CDH20: variants seen among roughly 807,000 people sequenced by gnomAD.
CDH20 encodes the protein cadherin 20.
In CDH20, 29 loss-of-function variants were observed where a neutral mutation model predicts 74.2. The observed-to-expected ratio is 0.39, with a 90% CI of 0.29 to 0.53. The LOEUF (loss-of-function observed/expected upper bound fraction) is 0.53, where lower values mean the gene tolerates loss of function less well. Among genes scored for constraint, CDH20 ranks in the 20% least tolerant of loss-of-function variants. The probability of loss-of-function intolerance (pLI) is 0.69; values close to 1 mark genes in which losing one functional copy is unlikely to be tolerated. For missense variants in CDH20, 988 were observed against 1,048.3 expected, an observed-to-expected ratio of 0.94 and a Z score of 0.79; for synonymous variants, 469 against 405.4, an observed-to-expected ratio of 1.16 and a Z score of -1.88.
At chr18:61,449,843 A>G (rs1481666563) in intron 1 of CDH20, among the ~76,000 whole-genome samples, 4 of 152,058 alleles carry the variant, frequency 2.6e-5, no homozygotes, top group Non-Finnish European at 5.9e-5. Context: ...TTAATAAATG[A>G]AAATCAAGAG....
intron 1 of CDH20, among the ~76,000 whole-genome samples, chr18:61,343,566 G>A (rs1017985825): frequency 1.3e-5 from 2 of 152,118 alleles, no homozygotes; most frequent in Non-Finnish European, 2.9e-5. Context: ...CTCTTGGTCA[G>A]GGTGCACTGT....
chr18:61,417,585 A>C (rs1408951812), intron 1 of CDH20, among the ~76,000 whole-genome samples: 1 of 96,652 alleles, frequency 1.0e-5, no homozygotes, highest in Non-Finnish European at 2.5e-5. Flanking sequence ...AGCTAAAAAA[A>C]AAAAAAAAAA....
At chr18:61,414,758 C>T (rs906114128) in intron 1 of CDH20, among the ~76,000 whole-genome samples, 16 of 151,338 alleles carry the variant, frequency 1.1e-4, no homozygotes, top group East Asian at 1.9e-4. Context: ...AGAGAAGAGG[C>T]GAGAATTTTT....
rs188672709 is a variant in CDH20, at chr18:61,404,424, G to A, written c.-153+70597G>A. Among the ~76,000 whole-genome samples the A allele has an allele frequency of 9.5e-4, 144 of 152,230 alleles. 1 individual carries two copies. The highest frequency in any genetic ancestry group is 1.5e-3 in the Non-Finnish European group (99 of 68,014). ...CCAAAATATAACAAGGTCTGGTTAA[G>A]GAGGAAAACCCCTAGGGAAAGTTTT... On this transcript the variant is annotated intron_variant, in intron 1 of 11. Transcript: ENST00000262717.
intron 1 of CDH20, among the ~76,000 whole-genome samples, chr18:61,444,574 A>G (rs1909140321): frequency 6.6e-6 from 1 of 152,124 alleles, no homozygotes; most frequent in Non-Finnish European, 1.5e-5. Context: ...TTTAAAGGAA[A>G]ATAGATTAAT....
intron 1 of CDH20, among the ~76,000 whole-genome samples, chr18:61,368,623 G>T (rs943706683): frequency 6.6e-6 from 1 of 151,594 alleles, no homozygotes; most frequent in Non-Finnish European, 1.5e-5. Context: ...ATCATATAAT[G>T]TTGAAAAAAA....
intron 1 of CDH20, among the ~76,000 whole-genome samples, chr18:61,387,749 G>A (rs1194458356): frequency 6.6e-6 from 1 of 152,166 alleles, no homozygotes. Flanking sequence ...GAGACAGAGA[G>A]ATTTACAGTC....
chr18:61,342,084 TA>T (rs1366153694), intron 1 of CDH20, among the ~76,000 whole-genome samples: 8 of 152,340 alleles, frequency 5.3e-5, no homozygotes, highest in Admixed American at 2.0e-4. Context: ...TGGAGCTGGC[TA>T]ACATTTGAAG....
At chr18:61,426,616 T>TAC (rs1913079387) in intron 1 of CDH20, among the ~76,000 whole-genome samples, 1 of 152,210 alleles carries the variant, frequency 6.6e-6, no homozygotes, top group Non-Finnish European at 1.5e-5. Flanking sequence ...TTAATATATC[T>TAC]GCCCATTGAC....
At chr18:61,542,272 G>T (rs943874623) in intron 9 of CDH20, among the ~76,000 whole-genome samples, 3 of 152,194 alleles carry the variant, frequency 2.0e-5, no homozygotes, top group Non-Finnish European at 2.9e-5. Context: ...TTGGCTGTGA[G>T]CAAGTTTATC....
chr18:61,543,405 G>C (rs2144400777), intron 9 of CDH20, among the ~76,000 whole-genome samples: 1 of 152,276 alleles, frequency 6.6e-6, no homozygotes, highest in Admixed American at 6.5e-5. Flanking sequence ...TGGTAGAAGA[G>C]GAAACACATA....
chr18:61,449,439 T>C (rs2093690269), intron 1 of CDH20, among the ~76,000 whole-genome samples: 1 of 152,164 alleles, frequency 6.6e-6, no homozygotes, highest in East Asian at 1.9e-4. Context: ...AAATCATTTA[T>C]ATATATATTG....
chr18:61,364,304 GTGTTTGTTTGTT>G (rs757382907), intron 1 of CDH20, among the ~76,000 whole-genome samples: 2 of 152,032 alleles, frequency 1.3e-5, no homozygotes, highest in Non-Finnish European at 2.9e-5. Context: ...TGAATGAGGT[GTGTTTGTTTGTT>G]TGTTTGTTTG....
At chr18:61,533,535 C>A (rs972815504) in intron 7 of CDH20, among the ~76,000 whole-genome samples, 2 of 152,136 alleles carry the variant, frequency 1.3e-5, no homozygotes, top group African/African-American at 4.8e-5. Flanking sequence ...TGGATATTAG[C>A]CCCTTATTTT....
intron 1 of CDH20, chr18:61,334,469 A>T (rs8096012): frequency 0.32 from 48,524 of 151,578 alleles, 8,116 homozygotes; most frequent in African/African-American, 0.38. Context: ...GGGCCCTGAC[A>T]CTCCCAAGGA....
At chr18:61,471,382 A>G (rs373176648) in intron 1 of CDH20, among the ~76,000 whole-genome samples, 4 of 152,214 alleles carry the variant, frequency 2.6e-5, no homozygotes, top group East Asian at 1.9e-4. Flanking sequence ...TCCGTGACAT[A>G]CCAGAAATTA....
intron 1 of CDH20, among the ~76,000 whole-genome samples, chr18:61,428,489 T>A (rs1192937589): frequency 6.6e-6 from 1 of 152,202 alleles, no homozygotes; most frequent in African/African-American, 2.4e-5. Context: ...AGATGGCTGC[T>A]GGGGTCTCCT....
intron 5 of CDH20, 42 bp downstream of exon 5, chr18:61,503,162 G>C: frequency 6.8e-7 from 1 of 1,474,592 alleles, no homozygotes; most frequent in Non-Finnish European, 9.1e-7. Flanking sequence ...CGGGCCCAGA[G>C]GGACGCACCC....
chr18:61,550,638 G>T (rs1320144605), intron 11 of CDH20, among the ~76,000 whole-genome samples: 1 of 152,172 alleles, frequency 6.6e-6, no homozygotes, highest in Non-Finnish European at 1.5e-5. Context: ...AGTCACAAAC[G>T]GGTAAGTGAC....
Sources: gnomAD v4.1 joint callset for allele counts (sites outside exome capture counted in the v4.1 genomes callset) on GRCh38, gnomAD v4.1.1 for gene constraint, MANE v1.5 for transcripts, NCBI Gene and HGNC (gene_info 2026-07-23, HGNC 2026-07-21) for gene names.